KLC1: variants seen among roughly 807,000 people sequenced by gnomAD.
KLC1 encodes kinesin 2 60/70kDa.
In KLC1, 30 loss-of-function variants were observed where a neutral mutation model predicts 84.2. The ratio of observed to expected loss-of-function variants is 0.36; its 90% CI spans 0.27 to 0.48. The LOEUF (loss-of-function observed/expected upper bound fraction) is 0.48. Ranked by LOEUF, KLC1 falls within the 20% of genes least tolerant of loss-of-function variation. The pLI, the probability that KLC1 is intolerant of heterozygous loss-of-function variation, is 0.99. For missense variants in KLC1, 499 were observed against 805.4 expected (o/e 0.62, Z 4.60); for synonymous variants, 289 against 293.3 (o/e 0.99, Z 0.15).
intron 14 of KLC1, among the ~76,000 whole-genome samples, chr14:103,689,838 TC>T (rs1595567099): frequency 1.3e-5 from 2 of 152,184 alleles, no homozygotes; most frequent in Non-Finnish European, 2.9e-5. Context: ...AGTTGTTCTT[TC>T]GTTTCGTAAA....
At position 103,687,194 on chromosome 14, in the gene KLC1, T is replaced by A. The variant is rs1304821571; in HGVS notation, c.1764T>A (p.Ser588Arg). ...TGAAGGGAGGAAGTTCACGAGAGAG[T>A]GAGCCAAAGAACCCCGGGTAACTAT... ...RKLKGGSSRE[S>R]EPKNPGMKRA... is the part of the protein sequence containing the mutation. Residue 588 changes from serine (S) to arginine (R), a missense_variant, in exon 14 of 17, where the codon AGT becomes AGA. This residue lies in a region of KLC1 where 167 missense variants were observed against 208.8 expected (regional missense o/e 0.80). Coordinates refer to ENST00000334553, the MANE Select transcript of KLC1 (RefSeq NM_001394837.1). The A allele has an allele frequency of 2.6e-6, 4 of 1,545,536 alleles. No individual in the cohort carries two copies. Among genetic ancestry groups the A allele is most frequent in the Non-Finnish European group, 3.5e-6 (4 of 1,143,234 alleles).
intron 5 of KLC1, among the ~76,000 whole-genome samples, chr14:103,664,959 C>G (rs537814670): frequency 3.0e-4 from 46 of 151,818 alleles, no homozygotes; most frequent in African/African-American, 1.1e-3. Context: ...TGCATGGGCA[C>G]ACACATCACT....
At chr14:103,642,299 G>A (rs2077554377) in intron 1 of KLC1, among the ~76,000 whole-genome samples, 1 of 152,000 alleles carries the variant, frequency 6.6e-6, no homozygotes, top group Non-Finnish European at 1.5e-5. Context: ...ACCTCCCAAA[G>A]GCCCCACCTC....
At chr14:103,687,235 C>T (rs1291137753) in intron 14 of KLC1, 24 bp downstream of exon 14, 7 of 1,520,056 alleles carry the variant, frequency 4.6e-6, no homozygotes, top group Admixed American at 4.0e-5. Flanking sequence ...CCAGCTCTCC[C>T]GACTCCCTGC....
At position 103,662,707 on chromosome 14, in the gene KLC1, C is replaced by G. The variant is rs749167870; in HGVS notation, c.577C>G (p.Gln193Glu). ...AGTGAACTTTCTCGGTGCAGTCCAG[C>G]AGCAGCACAGCAGTGCAGCCGCGGC... ...DEDDPGQGIQ[Q>E]QHSSAAAAAQ... is the part of the protein sequence containing the mutation. The change falls in exon 5 of 17, where the codon CAG becomes GAG. Residue 193 changes from glutamine (Q) to glutamate (E), a missense_variant. Coordinates refer to ENST00000334553, the MANE Select transcript of KLC1 (RefSeq NM_001394837.1). 26 of 1,580,100 alleles carry G rather than the reference C, an allele frequency of 1.6e-5. No homozygotes were observed. The highest frequency in any genetic ancestry group is 2.2e-5 in the Non-Finnish European group (26 of 1,164,000).
intron 1 of KLC1, among the ~76,000 whole-genome samples, chr14:103,637,806 G>A (rs1051124702): frequency 4.6e-5 from 7 of 151,964 alleles, no homozygotes; most frequent in South Asian, 2.1e-4. Context: ...TCAAGTGATC[G>A]TCCCACCTCA....
Position 103,694,239 on chromosome 14 carries a change from C to A in KLC1, c.1848+1814C>A. The A allele has an allele frequency of 1.0e-6, 1 of 980,252 alleles. No individual in the cohort carries two copies. Among genetic ancestry groups the A allele is most frequent in the Non-Finnish European group, 1.2e-6 (1 of 827,546 alleles). 60.7% of individuals were successfully genotyped at this position (980,252 alleles called of 1,614,324 possible). On this transcript the variant is annotated intron_variant, in intron 15 of 16. Transcript: ENST00000334553. The surrounding 1 kb of genome is among the most constrained non-coding windows in gnomAD (Gnocchi z 4.5). ...CCCCTGCACACGAAGCCCATAGAGA[C>A]GTGTGTTTCACTTTTTTTTTTTTTT... is the stretch of plus-strand genomic sequence containing the variant.
At chr14:103,639,148 T>C (rs2077291733) in intron 1 of KLC1, among the ~76,000 whole-genome samples, 2 of 152,192 alleles carry the variant, frequency 1.3e-5, no homozygotes, top group Admixed American at 1.3e-4. Context: ...ACTAACATAT[T>C]GGACAGATGC....
intron 7 of KLC1, among the ~76,000 whole-genome samples, chr14:103,670,498 A>G (rs553870677): frequency 1.3e-5 from 2 of 151,664 alleles, no homozygotes; most frequent in South Asian, 2.1e-4. Context: ...CACCACGTCC[A>G]CCTAATTTTT....
intron 12 of KLC1, 46 bp from the exon 13 acceptor site, chr14:103,679,338 C>A: frequency 6.7e-7 from 1 of 1,490,756 alleles, no homozygotes; most frequent in Non-Finnish European, 9.1e-7. Context: ...CTAAGAAAAT[C>A]TTAAGTGCTA....
At chr14:103,637,391 G>A (rs566053028) in intron 1 of KLC1, among the ~76,000 whole-genome samples, 5 of 151,936 alleles carry the variant, frequency 3.3e-5, no homozygotes, top group South Asian at 2.1e-4. Context: ...TTCGCCAGGC[G>A]TGGTGGTGTG....
intron 12 of KLC1, 138 bp downstream of exon 12, chr14:103,677,661 GT>G: frequency 1.5e-6 from 1 of 650,892 alleles, no homozygotes; most frequent in Non-Finnish European, 2.7e-6. Flanking sequence ...AAGTTATATT[GT>G]TTAAAAGAGC....
intron 3 of KLC1, among the ~76,000 whole-genome samples, chr14:103,660,541 C>T (rs930735395): frequency 5.3e-5 from 8 of 150,752 alleles, no homozygotes; most frequent in Non-Finnish European, 2.9e-5. Flanking sequence ...GTAATCCCAA[C>T]ATTTTGGGAG....
At chr14:103,650,077 C>G (rs1360865254) in intron 1 of KLC1, among the ~76,000 whole-genome samples, 1 of 151,744 alleles carries the variant, frequency 6.6e-6, no homozygotes, top group Non-Finnish European at 1.5e-5. Context: ...TTCTTTTGGT[C>G]TCACGGAGTA....
At chr14:103,647,583 G>T (rs946227901) in intron 1 of KLC1, among the ~76,000 whole-genome samples, 1 of 151,818 alleles carries the variant, frequency 6.6e-6, no homozygotes, top group Non-Finnish European at 1.5e-5. Context: ...TAAGCCTTTT[G>T]AAAGGATGGC....
At chr14:103,689,020 C>G (rs2081945493) in intron 14 of KLC1, among the ~76,000 whole-genome samples, 1 of 152,112 alleles carries the variant, frequency 6.6e-6, no homozygotes, top group Admixed American at 6.6e-5. Context: ...CACATTTCTT[C>G]TTAAACAGCA....
chr14:103,671,266 T>TA (rs1236889745), intron 7 of KLC1, among the ~76,000 whole-genome samples: 1 of 152,176 alleles, frequency 6.6e-6, no homozygotes, highest in East Asian at 1.9e-4. Context: ...AATTAGGTAT[T>TA]AAAAAATATA....
intron 1 of KLC1, among the ~76,000 whole-genome samples, chr14:103,633,722 A>G (rs537344202): frequency 2.2e-4 from 34 of 152,086 alleles, no homozygotes; most frequent in Non-Finnish European, 4.3e-4. Flanking sequence ...CTACTCAAGC[A>G]CTTCCAGGTG....
chr14:103,696,406 A>G (rs1955003162), intron 15 of KLC1: 6 of 985,282 alleles, frequency 6.1e-6, no homozygotes, highest in Non-Finnish European at 2.4e-6. Context: ...TTAAGCTGCT[A>G]GGAGTATCAT....
Sources: allele counts gnomAD v4.1 joint callset (sites outside exome capture counted in the v4.1 genomes callset), GRCh38; gene constraint gnomAD v4.1.1; regional missense constraint gnomAD v4.1.1; non-coding constraint Gnocchi (gnomAD v3.1); transcripts MANE v1.5; gene names NCBI Gene and HGNC (gene_info 2026-07-23, HGNC 2026-07-21).